TNFSF4: variants seen among roughly 807,000 people sequenced by gnomAD.
The protein encoded by TNFSF4 is TNF superfamily member 4, also known as tumor necrosis factor ligand superfamily member 4.
Under a neutral mutation model 7.3 loss-of-function variants are expected in TNFSF4, and 4 were observed. The ratio of observed to expected loss-of-function variants is 0.55; its 90% CI spans 0.27 to 1.25. The LOEUF (loss-of-function observed/expected upper bound fraction) is 1.25, where lower values mean the gene tolerates loss of function less well. Among genes scored for constraint, TNFSF4 ranks in the 50% most tolerant of loss-of-function variants. TNFSF4 has a pLI of 0.12. For missense variants in TNFSF4, 181 were observed against 208.8 expected (o/e 0.87, Z 0.82); for synonymous variants, 76 against 83.7 (o/e 0.91, Z 0.50).
chr1:173,448,223 T>C, the TNFSF4 span, among the ~76,000 whole-genome samples: 2 of 152,164 alleles, frequency 1.3e-5, 1 homozygote, highest in Non-Finnish European at 2.9e-5. Flanking sequence ...AGAAAATCAG[T>C]ACCAACAGAT....
the TNFSF4 span, among the ~76,000 whole-genome samples, chr1:173,333,533 T>C: frequency 6.6e-6 from 1 of 152,006 alleles, no homozygotes; most frequent in African/African-American, 2.4e-5. Context: ...AATGAGATCA[T>C]GAGGATGGGG....
chr1:173,254,581 A>T, the TNFSF4 span, among the ~76,000 whole-genome samples: 2 of 152,122 alleles, frequency 1.3e-5, no homozygotes, highest in Non-Finnish European at 2.9e-5. Flanking sequence ...ACCTGTTGGG[A>T]CTTAGTAAAA....
the TNFSF4 span, among the ~76,000 whole-genome samples, chr1:173,436,020 T>C: frequency 6.6e-6 from 1 of 152,212 alleles, no homozygotes; most frequent in Admixed American, 6.5e-5. Flanking sequence ...TTCCCAAGTA[T>C]CCACCAAAAA....
chr1:173,251,226 C>T, the TNFSF4 span, among the ~76,000 whole-genome samples: 1 of 152,190 alleles, frequency 6.6e-6, no homozygotes, highest in East Asian at 1.9e-4. Context: ...ATAAAAACAG[C>T]TTTGCTCCCA....
chr1:173,287,689 A>G, the TNFSF4 span, among the ~76,000 whole-genome samples: 4 of 152,226 alleles, frequency 2.6e-5, no homozygotes, highest in Admixed American at 1.3e-4. Flanking sequence ...TGTCAATAAT[A>G]GAACGGAGAA....
At chr1:173,412,832 T>C in the TNFSF4 span, among the ~76,000 whole-genome samples, 1 of 152,226 alleles carries the variant, frequency 6.6e-6, no homozygotes, top group Non-Finnish European at 1.5e-5. Context: ...TCAGTAATGA[T>C]TCCACAGATG....
At chr1:173,182,367 T>C (rs1427895944), downstream of TNFSF4, among the ~76,000 whole-genome samples, 2 of 152,158 alleles carry the variant, frequency 1.3e-5, no homozygotes, top group Middle Eastern at 3.2e-3. Context: ...ATTTTGAGCA[T>C]ACTAAGTAGA....
At chr1:173,429,988 A>G in the TNFSF4 span, among the ~76,000 whole-genome samples, 1 of 152,190 alleles carries the variant, frequency 6.6e-6, no homozygotes, top group Non-Finnish European at 1.5e-5. Flanking sequence ...CTCAAGTGCT[A>G]TCCTTTATTT....
the TNFSF4 span, among the ~76,000 whole-genome samples, chr1:173,327,205 T>G: frequency 6.6e-6 from 1 of 152,032 alleles, no homozygotes; most frequent in Non-Finnish European, 1.5e-5. Context: ...CCCTCAGAAA[T>G]AACGCCGCAT....
the TNFSF4 span, among the ~76,000 whole-genome samples, chr1:173,447,272 C>T: frequency 1.3e-5 from 2 of 152,242 alleles, no homozygotes; most frequent in Non-Finnish European, 2.9e-5. Flanking sequence ...ACAATTTTTA[C>T]AGCAGTGAAA....
chr1:173,258,030 C>G, the TNFSF4 span, among the ~76,000 whole-genome samples: 1 of 152,072 alleles, frequency 6.6e-6, no homozygotes, highest in Non-Finnish European at 1.5e-5. Flanking sequence ...CAGGGCCCAC[C>G]ATTAATAAAG....
chr1:173,261,407 T>G, the TNFSF4 span, among the ~76,000 whole-genome samples: 2 of 151,956 alleles, frequency 1.3e-5, no homozygotes, highest in African/African-American at 4.8e-5. Flanking sequence ...CTAACATCAC[T>G]TCTAAAAGAA....
At chr1:173,442,552 T>C in the TNFSF4 span, among the ~76,000 whole-genome samples, 5 of 100,796 alleles carry the variant, frequency 5.0e-5, 1 homozygote, top group Non-Finnish European at 9.6e-5. Context: ...TTTGTTTTTG[T>C]TTTTTTTTTT....
At chr1:173,251,940 A>T in the TNFSF4 span, among the ~76,000 whole-genome samples, 2 of 152,158 alleles carry the variant, frequency 1.3e-5, no homozygotes, top group Non-Finnish European at 2.9e-5. Flanking sequence ...TCCTTTGTTG[A>T]AGTCCTTTCT....
chr1:173,357,434 C>T, the TNFSF4 span, among the ~76,000 whole-genome samples: 2 of 152,200 alleles, frequency 1.3e-5, no homozygotes, highest in Non-Finnish European at 2.9e-5. Context: ...AGCCTCATTT[C>T]ACAAACTAGA....
At chr1:173,340,705 G>T in the TNFSF4 span, among the ~76,000 whole-genome samples, 1 of 152,072 alleles carries the variant, frequency 6.6e-6, no homozygotes, top group Non-Finnish European at 1.5e-5. Context: ...CCCCAGCCAT[G>T]GCCTGAGAGT....
the TNFSF4 span, among the ~76,000 whole-genome samples, chr1:173,279,163 C>A: frequency 6.6e-6 from 1 of 152,032 alleles, no homozygotes. Context: ...ATAGAAAGGA[C>A]TTAATGGTGA....
chr1:173,351,977 C>A, the TNFSF4 span: 1 of 488,672 alleles, frequency 2.0e-6, no homozygotes, highest in Non-Finnish European at 3.7e-6. Context: ...AGGGCAAATA[C>A]AAGGAAGAAA....
the TNFSF4 span, among the ~76,000 whole-genome samples, chr1:173,230,402 C>A: frequency 2.0e-5 from 3 of 152,146 alleles, no homozygotes; most frequent in South Asian, 6.2e-4. Context: ...ACACAACATA[C>A]CAGAATCTCT....
Sources: allele counts gnomAD v4.1 joint callset (sites outside exome capture counted in the v4.1 genomes callset), GRCh38; gene constraint gnomAD v4.1.1; transcripts MANE v1.5; gene names NCBI Gene and HGNC (gene_info 2026-07-23, HGNC 2026-07-21).